Variants in PCDH15 observed in about 807,000 individuals in gnomAD.
The protein encoded by PCDH15 is protocadherin related 15, also known as protocadherin-15.
PCDH15 carries 129 observed loss-of-function variants against 178.5 expected under a neutral mutation model. The observed-to-expected ratio is 0.72, with a 90% CI of 0.63 to 0.84. PCDH15 has a LOEUF of 0.84. Among genes scored for constraint, PCDH15 ranks in the 40% least tolerant of loss-of-function variants. The pLI is 0.00. For synonymous variants in PCDH15, 800 were observed against 732.0 expected (o/e 1.09, Z -1.50); for missense variants, 2,230 against 2,099.9 (o/e 1.06, Z -1.21).
chr10:55,463,098 G>T (rs1263904797), intron 2 of PCDH15, among the ~76,000 whole-genome samples: 1 of 96,508 alleles, frequency 1.0e-5, no homozygotes, highest in Admixed American at 1.1e-4. Flanking sequence ...GGATCCAAGA[G>T]AAAAAAAAAA....
In PCDH15 at chr10:54,421,691, TATACACACAC is replaced by T. The variant is rs1209552791; in HGVS notation, c.158-42759_158-42750del. Among the ~76,000 whole-genome samples, 458 of 94,926 alleles carry T rather than the reference TATACACACAC, an allele frequency of 4.8e-3. 18 individuals carry two copies. The highest frequency in any genetic ancestry group is 0.02 in the African/African-American group (442 of 21,854). 62.3% of individuals were successfully genotyped at this position (94,926 alleles called of 152,430 possible). A position where few individuals can be genotyped will look rare whatever the true frequency, so the allele number is the denominator to read the frequency against. On this transcript the variant is annotated intron_variant, in intron 3 of 37. Coordinates refer to ENST00000644397, the MANE Select transcript of PCDH15 (RefSeq NM_001384140.1). ...ATATACATATATATATATATATATA[TATACACACAC>T]ACACACACACTATATATATTTTTGT...
chr10:55,458,321 C>T (rs951918723), intron 2 of PCDH15, among the ~76,000 whole-genome samples: 1 of 151,884 alleles, frequency 6.6e-6, no homozygotes, highest in African/African-American at 2.4e-5. Flanking sequence ...GCTGATGACT[C>T]GAATATAATA....
At chr10:54,625,462 G>A (rs1377892065) in intron 2 of PCDH15, among the ~76,000 whole-genome samples, 1 of 152,164 alleles carries the variant, frequency 6.6e-6, no homozygotes, top group Non-Finnish European at 1.5e-5. Flanking sequence ...CCCAGTGGGA[G>A]ATGACTGAGT....
chr10:54,131,899 C>T (rs111648213), intron 15 of PCDH15, among the ~76,000 whole-genome samples: 1,777 of 152,152 alleles, frequency 0.012, 25 homozygotes, highest in Middle Eastern at 0.027. Flanking sequence ...TTATATCATC[C>T]GAATTTAAGT....
Position 54,200,642 on chromosome 10 carries a change from C to T in PCDH15, c.1099-4753G>A, listed in dbSNP as rs564232975. On this transcript the variant is annotated intron_variant, in intron 10 of 37. Transcript: ENST00000644397. ...CCGGTGCCTTTTACATTGCTAAAAG[C>T]AATATTTATTTTCAGTCCTTATCTT... Among the ~76,000 whole-genome samples, 11 of 152,186 alleles carry T rather than the reference C, an allele frequency of 7.2e-5. No homozygotes were observed. In the East Asian group the frequency reaches 1.7e-3, roughly 24 times the overall value.
chr10:54,262,082 A>G (rs2057353603), intron 8 of PCDH15, among the ~76,000 whole-genome samples: 1 of 152,088 alleles, frequency 6.6e-6, no homozygotes, highest in Non-Finnish European at 1.5e-5. Context: ...CTGAGATCCT[A>G]GCTACAGGAG....
rs145523203 is a variant in PCDH15, at chr10:54,032,565, T to C, written c.2221-9368A>G. Among the ~76,000 whole-genome samples, 479 of 152,168 alleles carry C rather than the reference T, an allele frequency of 3.1e-3. 3 individuals carry two copies. Among genetic ancestry groups the C allele is most frequent in the African/African-American group, 0.011 (438 of 41,558 alleles). On this transcript the variant is annotated intron_variant, in intron 18 of 37. Coordinates refer to ENST00000644397, the MANE Select transcript of PCDH15 (RefSeq NM_001384140.1). ...TGAAGAAATAAAAATTGCCAATTAG[T>C]ATTTATAATTTTGTCTTAAAAGAAG...
Position 54,766,937 on chromosome 10 carries a change from C to CAAAA in PCDH15, c.-29+33984_-29+33987dup, listed in dbSNP as rs200136854. Among the ~76,000 whole-genome samples, 19 of 145,972 alleles carry CAAAA rather than the reference C, an allele frequency of 1.3e-4. No homozygotes were observed. In the East Asian group the frequency reaches 1.8e-3, roughly 14 times the overall value. On this transcript the variant is annotated intron_variant, in intron 1 of 37. Coordinates refer to ENST00000644397, the MANE Select transcript of PCDH15 (RefSeq NM_001384140.1). ...AGAGCGAGACTCCATCTCAAAAAAA[C>CAAAA]AAAAAAAAAAATCTATCCACTATAC...
At chr10:55,007,979 T>C (rs1839971667) in intron 2 of PCDH15, among the ~76,000 whole-genome samples, 1 of 152,168 alleles carries the variant, frequency 6.6e-6, no homozygotes, top group Non-Finnish European at 1.5e-5. Flanking sequence ...TTTCCTTTAT[T>C]TCAAAGGAAA....
chr10:55,320,911 C>T (rs1334622201), upstream of PCDH15, among the ~76,000 whole-genome samples: 1 of 152,144 alleles, frequency 6.6e-6, no homozygotes, highest in African/African-American at 2.4e-5. Flanking sequence ...TAGTTCCATA[C>T]CAATGGTTCC....
At chr10:55,202,936 A>T (rs1428252904) in intron 1 of PCDH15, among the ~76,000 whole-genome samples, 1 of 152,184 alleles carries the variant, frequency 6.6e-6, no homozygotes, top group Non-Finnish European at 1.5e-5. Flanking sequence ...GAGTCAATTA[A>T]ATCTCTTTCC....
chr10:54,287,631 C>T (rs2059115799), intron 8 of PCDH15, among the ~76,000 whole-genome samples: 3 of 151,976 alleles, frequency 2.0e-5, no homozygotes, highest in African/African-American at 7.3e-5. Flanking sequence ...TTCTAAGGCT[C>T]TTTATGACAG....
intron 2 of PCDH15, among the ~76,000 whole-genome samples, chr10:55,515,433 C>A (rs1840989873): frequency 6.6e-6 from 1 of 152,008 alleles, no homozygotes; most frequent in Admixed American, 6.6e-5. Context: ...AGATTGAATG[C>A]AGAAGCAGAT....
Position 53,806,620 on chromosome 10 carries a change from C to A in PCDH15, c.5182G>T (p.Gly1728Cys). 1 of 1,613,538 alleles carries A rather than the reference C, an allele frequency of 6.2e-7. No individual in the cohort carries two copies. Among genetic ancestry groups the A allele is most frequent in the Non-Finnish European group, 8.5e-7 (1 of 1,179,706 alleles). The change falls in exon 38 of 38, where the codon GGC becomes TGC. Residue 1728 changes from glycine (G) to cysteine (C), a missense_variant. By Grantham distance (159) the Gly-to-Cys change is radical. Coordinates refer to ENST00000644397, the MANE Select transcript of PCDH15 (RefSeq NM_001384140.1). ...GGTATATGGAGGTTGTTCCAGGGGCCCATCCAAAGCTCTTCATCATCAGAC... is the reference window on the plus strand; with the variant it reads ...GGTATATGGAGGTTGTTCCAGGGGCACATCCAAAGCTCTTCATCATCAGAC... ...TQSDDEELWM[G>C]PWNNLHIPMT... is the part of the protein sequence containing the mutation.
intron 2 of PCDH15, among the ~76,000 whole-genome samples, chr10:55,474,645 G>A (rs567306236): frequency 1.5e-3 from 235 of 152,218 alleles, no homozygotes; most frequent in Middle Eastern, 3.4e-3. Flanking sequence ...GGAATGTTAA[G>A]TATCAAAAGG....
chr10:54,134,923 A>G (rs188798373), intron 14 of PCDH15, among the ~76,000 whole-genome samples: 21 of 151,890 alleles, frequency 1.4e-4, no homozygotes, highest in African/African-American at 4.3e-4. Flanking sequence ...TAAAAATTTC[A>G]TGGTTGGGTG....
rs41274630 is a variant in PCDH15, at chr10:54,153,313, C to T, written c.1591-20G>A. 17 of 1,613,254 alleles carry T rather than the reference C, an allele frequency of 1.1e-5. No individual in the cohort carries two copies. Among genetic ancestry groups the T allele is most frequent in the Non-Finnish European group, 1.4e-5 (17 of 1,179,604 alleles). On this transcript the variant is annotated intron_variant, in intron 13 of 37. Transcript: ENST00000644397. Reference sequence around the variant, plus strand: ...AGTGAGCTGGAATTGAAAATCACAACATAAATCCTCTTGGGTCTCAACTTT... The same window carrying T: ...AGTGAGCTGGAATTGAAAATCACAATATAAATCCTCTTGGGTCTCAACTTT...
chr10:55,295,252 A>T (rs1843103657), intron 1 of PCDH15, among the ~76,000 whole-genome samples: 1 of 152,182 alleles, frequency 6.6e-6, no homozygotes, highest in Admixed American at 6.6e-5. Flanking sequence ...TTCTAAAAGT[A>T]TTTCAGGTTT....
At chr10:54,766,555 A>C (rs1948533272) in intron 1 of PCDH15, among the ~76,000 whole-genome samples, 1 of 151,462 alleles carries the variant, frequency 6.6e-6, no homozygotes, top group Non-Finnish European at 1.5e-5. Flanking sequence ...AAAAAAAAAA[A>C]GGAGTTCCTT....
Sources: allele counts gnomAD v4.1 joint callset (sites outside exome capture counted in the v4.1 genomes callset), GRCh38; gene constraint gnomAD v4.1.1; transcripts MANE v1.5; gene names NCBI Gene and HGNC (gene_info 2026-07-23, HGNC 2026-07-21).